Variants in GOLGA4 observed in about 807,000 individuals in gnomAD.
GOLGA4 encodes the protein golgin subfamily A member 4.
A neutral mutation model predicts 265.9 loss-of-function variants in GOLGA4; 169 were observed. That is an observed-to-expected ratio of 0.64 (90% CI 0.56 to 0.72). The LOEUF (loss-of-function observed/expected upper bound fraction) is 0.72, where lower values mean the gene tolerates loss of function less well. Among genes scored for constraint, GOLGA4 ranks in the 30% least tolerant of loss-of-function variants. The pLI is 0.00. For synonymous variants in GOLGA4, 923 were observed against 855.8 expected, an observed-to-expected ratio of 1.08 and a Z score of -1.37; for missense variants, 2,482 against 2,483.4, an observed-to-expected ratio of 1.00 and a Z score of 0.01.
At chr3:37,274,757 G>A (rs1431931586) in intron 2 of GOLGA4, among the ~76,000 whole-genome samples, 1 of 151,964 alleles carries the variant, frequency 6.6e-6, no homozygotes, top group Non-Finnish European at 1.5e-5. Flanking sequence ...TGGTTTTAGT[G>A]ATGACTATTA....
chr3:37,343,594 T>G (rs868838970), intron 20 of GOLGA4, among the ~76,000 whole-genome samples: 2 of 152,212 alleles, frequency 1.3e-5, no homozygotes, highest in South Asian at 4.1e-4. Context: ...TAAGTCTCTT[T>G]TGAACTCCAG....
At chr3:37,320,369 A>G (rs1459506192) in intron 12 of GOLGA4, 2 of 152,144 alleles carry the variant, frequency 1.3e-5, no homozygotes, top group African/African-American at 4.8e-5. Context: ...AATAAATAGT[A>G]TTTTAGATTT....
At position 37,243,492 on chromosome 3, in the gene GOLGA4, TCCCCGGGCTCTC is replaced by T. The variant is rs1157763604; in HGVS notation, c.-58_-47del. ...TCGCCGTAGCCGTCGCGGCCGGGAC[TCCCCGGGCTCTC>T]GCCCTTCAGGTTTCGTTGACACTCA... is the stretch of plus-strand genomic sequence containing the variant. On this transcript the variant is annotated 5_prime_UTR_variant, in exon 1 of 24. Coordinates refer to ENST00000361924, the MANE Select transcript of GOLGA4 (RefSeq NM_002078.5). The T allele has an allele frequency of 6.7e-7, 1 of 1,491,366 alleles. No individual in the cohort carries two copies. Among genetic ancestry groups the T allele is most frequent in the Non-Finnish European group, 9.4e-7 (1 of 1,068,798 alleles). 92.4% of individuals were successfully genotyped at this position (1,491,366 alleles called of 1,614,324 possible). A position where few individuals can be genotyped will look rare whatever the true frequency, so the allele number is the denominator to read the frequency against.
intron 9 of GOLGA4, among the ~76,000 whole-genome samples, chr3:37,301,355 G>A (rs1448933635): frequency 3.3e-5 from 5 of 152,204 alleles, no homozygotes; most frequent in Admixed American, 6.5e-5. Flanking sequence ...GAATAGTGGT[G>A]GTACCAGAGA....
intron 2 of GOLGA4, among the ~76,000 whole-genome samples, chr3:37,258,311 G>T (rs553934394): frequency 6.7e-6 from 1 of 150,156 alleles, no homozygotes; most frequent in African/African-American, 2.5e-5. Flanking sequence ...TATATATAGA[G>T]AGCATATATA....
chr3:37,315,366 T>G (rs1351825406), intron 10 of GOLGA4, 54 bp from the exon 11 acceptor site: 2 of 1,465,940 alleles, frequency 1.4e-6, no homozygotes, highest in African/African-American at 2.8e-5. Flanking sequence ...TAAAACACTT[T>G]AGCTCAATGA....
At chr3:37,251,870 C>T (rs760791769) in intron 2 of GOLGA4, among the ~76,000 whole-genome samples, 19 of 152,082 alleles carry the variant, frequency 1.2e-4, no homozygotes, top group African/African-American at 1.7e-4. Flanking sequence ...TTTTCGTAGA[C>T]GGGGTCCCAC....
intron 2 of GOLGA4, among the ~76,000 whole-genome samples, chr3:37,263,662 C>T (rs9863168): frequency 0.061 from 9,228 of 152,030 alleles, 417 homozygotes; most frequent in African/African-American, 0.13. Flanking sequence ...AAGGTGGCTG[C>T]CAATGGACAC....
At chr3:37,246,674 G>A (rs192218023) in intron 1 of GOLGA4, among the ~76,000 whole-genome samples, 7 of 152,312 alleles carry the variant, frequency 4.6e-5, no homozygotes, top group Admixed American at 1.3e-4. Flanking sequence ...AGATGAAAAC[G>A]TACTGGTGAT....
chr3:37,259,256 T>G (rs951079882), intron 2 of GOLGA4, among the ~76,000 whole-genome samples: 2 of 152,234 alleles, frequency 1.3e-5, no homozygotes, highest in African/African-American at 4.8e-5. Context: ...TGGCATAAAT[T>G]AAACTAAATT....
intron 17 of GOLGA4, among the ~76,000 whole-genome samples, chr3:37,336,899 G>C (rs1177397950): frequency 6.6e-6 from 1 of 151,930 alleles, no homozygotes; most frequent in Non-Finnish European, 1.5e-5. Context: ...TCCTTCTGGA[G>C]CATCTTCTGG....
chr3:37,301,351 T>A (rs1285264988), intron 9 of GOLGA4, among the ~76,000 whole-genome samples: 1 of 152,206 alleles, frequency 6.6e-6, no homozygotes, highest in East Asian at 1.9e-4. Context: ...TAAGGAATAG[T>A]GGTGGTACCA....
chr3:37,341,933 A>AT (rs2097036391), intron 20 of GOLGA4, among the ~76,000 whole-genome samples: 1 of 152,140 alleles, frequency 6.6e-6, no homozygotes, highest in African/African-American at 2.4e-5. Context: ...TTAAAACATT[A>AT]TTTTTCTCAG....
intron 2 of GOLGA4, among the ~76,000 whole-genome samples, chr3:37,266,647 A>T (rs538136191): frequency 6.6e-6 from 1 of 152,158 alleles, no homozygotes; most frequent in African/African-American, 2.4e-5. Flanking sequence ...ACGCATCTCC[A>T]TTCCTGATAT....
chr3:37,248,768 T>G (rs2096726293), intron 1 of GOLGA4, among the ~76,000 whole-genome samples: 1 of 152,188 alleles, frequency 6.6e-6, no homozygotes, highest in Admixed American at 6.6e-5. Context: ...GGCTCTCAGT[T>G]ACTGATTAGA....
rs534877646 is a variant in GOLGA4, at chr3:37,366,118, G to A, written c.*72G>A. ...CTTCATCTTGAAGAAGAGTGACATT[G>A]GGTGACTGCTGCTTGGAAAACTGTC... is the stretch of plus-strand genomic sequence containing the variant. On this transcript the variant is annotated 3_prime_UTR_variant, in exon 24 of 24. Coordinates refer to ENST00000361924, the MANE Select transcript of GOLGA4 (RefSeq NM_002078.5). The A allele has an allele frequency of 3.9e-5, 59 of 1,518,614 alleles. 1 individual carries two copies. Among genetic ancestry groups the A allele is most frequent in the Non-Finnish European group, 5.2e-5 (59 of 1,135,720 alleles). 94.1% of individuals were successfully genotyped at this position (1,518,614 alleles called of 1,614,324 possible). A position where few individuals can be genotyped will look rare whatever the true frequency, so the allele number is the denominator to read the frequency against.
At chr3:37,359,923 G>T (rs1179908877) in intron 22 of GOLGA4, among the ~76,000 whole-genome samples, 1 of 152,098 alleles carries the variant, frequency 6.6e-6, no homozygotes, top group Non-Finnish European at 1.5e-5. Flanking sequence ...TTGTTTTCTT[G>T]AGATTGGTTT....
intron 14 of GOLGA4, 100 bp downstream of exon 14, chr3:37,327,925 T>C: frequency 1.1e-6 from 1 of 950,936 alleles, no homozygotes; most frequent in Non-Finnish European, 1.5e-6. Context: ...TTTGGATAAG[T>C]TTCACCAACC....
chr3:37,342,875 T>C (rs1286266517), intron 20 of GOLGA4, among the ~76,000 whole-genome samples: 2 of 152,218 alleles, frequency 1.3e-5, no homozygotes, highest in East Asian at 3.8e-4. Flanking sequence ...CTCACCACTC[T>C]AGCACCTCAT....
Sources: allele counts gnomAD v4.1 joint callset (sites outside exome capture counted in the v4.1 genomes callset), GRCh38; gene constraint gnomAD v4.1.1; transcripts MANE v1.5; gene names NCBI Gene and HGNC (gene_info 2026-07-23, HGNC 2026-07-21).